Variants in NBAS observed in about 807,000 individuals in gnomAD.
NBAS encodes the protein NBAS subunit of NRZ tethering complex.
In NBAS, 219 loss-of-function variants were observed where a neutral mutation model predicts 302.5. The observed-to-expected ratio is 0.72, with a 90% CI of 0.65 to 0.81. The LOEUF (loss-of-function observed/expected upper bound fraction) is 0.81. Ranked by LOEUF, NBAS falls within the 30% of genes least tolerant of loss-of-function variation. NBAS has a pLI of 0.00. For missense variants in NBAS, 2,932 were observed against 2,841.6 expected (o/e 1.03, Z -0.72); for synonymous variants, 1,118 against 1,021.6 (o/e 1.09, Z -1.80).
intron 12 of NBAS, among the ~76,000 whole-genome samples, chr2:15,481,388 C>T (rs1680421052): frequency 6.6e-6 from 1 of 152,136 alleles, no homozygotes; most frequent in Admixed American, 6.5e-5. Flanking sequence ...CATCCTTCCA[C>T]CCCAGGGCCT....
chr2:15,383,781 C>T (rs1448969396), intron 28 of NBAS, among the ~76,000 whole-genome samples: 1 of 152,208 alleles, frequency 6.6e-6, no homozygotes, highest in East Asian at 1.9e-4. Context: ...AGGACAACCG[C>T]AGGCCACATT....
In NBAS at chr2:15,369,813, G is replaced by A. The variant is rs183914652; in HGVS notation, c.3704-3120C>T. Among the ~76,000 whole-genome samples the A allele has an allele frequency of 1.2e-4, 18 of 152,058 alleles. 1 individual carries two copies. In the East Asian group the frequency reaches 1.9e-3, roughly 16 times the overall value. ...TTCAAAAACCTATTATAAAACACAC[G>A]TATACACACACACACACATACACGT... is the stretch of plus-strand genomic sequence containing the variant. On this transcript the variant is annotated intron_variant, in intron 31 of 51. Coordinates refer to ENST00000281513, the MANE Select transcript of NBAS (RefSeq NM_015909.4).
chr2:15,393,732 G>GA (rs1351399684), intron 28 of NBAS: 13 of 470,084 alleles, frequency 2.8e-5, no homozygotes, highest in Non-Finnish European at 4.9e-5. Flanking sequence ...AACAGGCTGT[G>GA]AAAAATCCAT....
At chr2:15,254,622 T>C (rs1668507875) in intron 44 of NBAS, among the ~76,000 whole-genome samples, 1 of 152,214 alleles carries the variant, frequency 6.6e-6, no homozygotes, top group South Asian at 2.1e-4. Flanking sequence ...TGATGATTTC[T>C]GATATTTTGG....
At chr2:14,822,556 T>TA in the NBAS span, among the ~76,000 whole-genome samples, 329 of 152,272 alleles carry the variant, frequency 2.2e-3, 1 homozygote, top group Middle Eastern at 0.01. Flanking sequence ...CCCAAGCAGG[T>TA]AGATCTAGTC....
At chr2:15,087,206 T>TTAAAA in the NBAS span, among the ~76,000 whole-genome samples, 10,199 of 134,290 alleles carry the variant, frequency 0.076, 834 homozygotes, top group African/African-American at 0.21. Context: ...GGCCAATTCC[T>TTAAAA]TAAATCTTTT....
chr2:14,840,130 C>T, the NBAS span, among the ~76,000 whole-genome samples: 1 of 151,680 alleles, frequency 6.6e-6, no homozygotes, highest in East Asian at 1.9e-4. Context: ...CTAAGAAATG[C>T]ATTTGCCAAA....
the NBAS span, among the ~76,000 whole-genome samples, chr2:15,127,221 G>T: frequency 6.6e-6 from 1 of 152,300 alleles, no homozygotes; most frequent in Non-Finnish European, 1.5e-5. Context: ...GCTCACCCAA[G>T]TTCTAATCTC....
At chr2:15,118,878 A>G in the NBAS span, among the ~76,000 whole-genome samples, 1 of 152,228 alleles carries the variant, frequency 6.6e-6, no homozygotes, top group African/African-American at 2.4e-5. Flanking sequence ...TTCAGCCACT[A>G]CATTCTGGGG....
chr2:15,229,069 T>C (rs888363732), intron 47 of NBAS, among the ~76,000 whole-genome samples: 8 of 152,038 alleles, frequency 5.3e-5, no homozygotes, highest in African/African-American at 1.9e-4. Flanking sequence ...AGGTTGGGCG[T>C]TGTGGCTCAT....
chr2:15,173,251 G>A (rs1485233516), intron 51 of NBAS, among the ~76,000 whole-genome samples: 1 of 152,152 alleles, frequency 6.6e-6, no homozygotes, highest in East Asian at 1.9e-4. Context: ...CCATTAAAAT[G>A]TTATCTGCTT....
Position 15,238,594 on chromosome 2 carries a change from G to A in NBAS, c.5817C>T (p.Asp1939=), listed in dbSNP as rs144241208. 75 of 1,613,450 alleles carry A rather than the reference G, an allele frequency of 4.6e-5. No homozygotes were observed. The highest frequency in any genetic ancestry group is 5.8e-5 in the Non-Finnish European group (68 of 1,179,932). ...IEKPRKRNSE[D]EAQEAKDSKV... ...TAGAATCCTTAGCTTCTTGAGCTTC[G>A]TCTTCTGAGTTTCTTTTCCTTGGCT... The change falls in exon 45 of 52, where the codon GAC becomes GAT. Residue 1939 remains aspartate, a synonymous_variant. Coordinates refer to ENST00000281513, the MANE Select transcript of NBAS (RefSeq NM_015909.4).
intron 47 of NBAS, among the ~76,000 whole-genome samples, chr2:15,220,962 T>G (rs1666924487): frequency 6.6e-6 from 1 of 152,206 alleles, no homozygotes; most frequent in African/African-American, 2.4e-5. Context: ...TTATGGCAAT[T>G]TAAAAGAATT....
the NBAS span, among the ~76,000 whole-genome samples, chr2:14,894,461 T>G: frequency 6.6e-6 from 1 of 152,090 alleles, no homozygotes; most frequent in Non-Finnish European, 1.5e-5. Flanking sequence ...TTGAAGAGTT[T>G]GAAAAAATAT....
intron 21 of NBAS, among the ~76,000 whole-genome samples, chr2:15,431,896 C>A (rs1052257288): frequency 1.3e-5 from 2 of 152,034 alleles, no homozygotes; most frequent in Non-Finnish European, 2.9e-5. Flanking sequence ...CTTTACATTA[C>A]AAATTAATTG....
chr2:15,443,946 G>T (rs1228967526), intron 21 of NBAS, among the ~76,000 whole-genome samples: 2 of 151,812 alleles, frequency 1.3e-5, no homozygotes, highest in East Asian at 1.9e-4. Context: ...CAACTTACAA[G>T]GGATGTGAAG....
In NBAS at chr2:15,283,242, G is replaced by T. The variant is rs140270019; in HGVS notation, c.5138+3831C>A. ...TCAAAATGACCCTGTGTCCAAAACT[G>T]AAAAGTACTAATCAAATCAGCAGAA... On this transcript the variant is annotated intron_variant, in intron 42 of 51. Transcript: ENST00000281513. 1.8e-3 allele frequency among the ~76,000 whole-genome samples: 280 copies of T among 152,240 alleles called. 1 individual carries two copies. Among genetic ancestry groups the T allele is most frequent in the African/African-American group, 6.6e-3 (274 of 41,542 alleles).
chr2:14,967,228 C>A, the NBAS span, among the ~76,000 whole-genome samples: 1 of 152,206 alleles, frequency 6.6e-6, no homozygotes, highest in South Asian at 2.1e-4. Context: ...CTTCCCCAAA[C>A]TGATATATAG....
At chr2:15,114,311 G>A in the NBAS span, among the ~76,000 whole-genome samples, 2 of 152,068 alleles carry the variant, frequency 1.3e-5, no homozygotes, top group Admixed American at 6.6e-5. Flanking sequence ...CCTCTCTCCC[G>A]GGCTCGTAGA....
Sources: gnomAD v4.1 joint callset for allele counts (sites outside exome capture counted in the v4.1 genomes callset) on GRCh38, gnomAD v4.1.1 for gene constraint, MANE v1.5 for transcripts, NCBI Gene and HGNC (gene_info 2026-07-23, HGNC 2026-07-21) for gene names.